The following ZNF331 variants were observed in gnomAD, a reference collection of about 807,000 sequenced individuals.
ZNF331 encodes the protein zinc finger protein 331.
Under a neutral mutation model 7.0 loss-of-function variants are expected in ZNF331, and 2 were observed. That is an observed-to-expected ratio of 0.29 (90% CI 0.12 to 0.90). The LOEUF is 0.90. ZNF331 is among the 40% of genes least tolerant of loss of function. ZNF331 has a pLI of 0.58. For missense variants in ZNF331, 432 were observed against 587.7 expected (o/e 0.74, Z 2.74); for synonymous variants, 196 against 205.4 (o/e 0.95, Z 0.39).
intron 5 of ZNF331, 49 bp from the exon 6 acceptor site, chr19:53,576,648 T>C: frequency 1.3e-6 from 2 of 1,519,460 alleles, no homozygotes; most frequent in Non-Finnish European, 1.8e-6. Flanking sequence ...TTAGGTTCGT[T>C]TGTACTTGTG....
At chr19:53,531,972 CTTTA>C (rs1203928616) in intron 2 of ZNF331, among the ~76,000 whole-genome samples, 1 of 151,992 alleles carries the variant, frequency 6.6e-6, no homozygotes, top group African/African-American at 2.4e-5. Context: ...AAATGACATC[CTTTA>C]TTTTTTATTT....
chr19:53,529,400 T>TAA (rs369822556), intron 2 of ZNF331, among the ~76,000 whole-genome samples: 47,259 of 148,538 alleles, frequency 0.32, 7,913 homozygotes, highest in African/African-American at 0.42. Flanking sequence ...ACTCTGTCTT[T>TAA]TAAAAAAAAA....
Position 53,540,181 on chromosome 19 carries a change from T to C in ZNF331, c.-138+899T>C, listed in dbSNP as rs570468014. On this transcript the variant is annotated intron_variant, in intron 2 of 5. Transcript: ENST00000449416. ...TGTGTTTTGCACACACTCCTTAATTTATTCTTACCTTAGTCTGTAACAAAG... is the reference window on the plus strand; with the variant it reads ...TGTGTTTTGCACACACTCCTTAATTCATTCTTACCTTAGTCTGTAACAAAG... Among the ~76,000 whole-genome samples the C allele has an allele frequency of 2.0e-5, 3 of 152,324 alleles. No individual in the cohort carries two copies. In the South Asian group the frequency reaches 6.2e-4, roughly 32 times the overall value.
chr19:53,507,657 A>C, the ZNF331 span, among the ~76,000 whole-genome samples: 1 of 152,176 alleles, frequency 6.6e-6, no homozygotes, highest in African/African-American at 2.4e-5. Context: ...GTTCGGGCTC[A>C]GTGCCAGCCA....
rs559801370 is a variant in ZNF331 at position 53,546,768 on chromosome 19, G to A, written c.-138+7486G>A. On this transcript the variant is annotated intron_variant, in intron 2 of 5. Transcript: ENST00000449416. ...TGAGGCCTTTAAGAGCGGAGTTTGA[G>A]CTAATTTCTGTGTCATCAAAGGCAG... is the stretch of plus-strand genomic sequence containing the variant. Among the ~76,000 whole-genome samples the A allele has an allele frequency of 3.9e-5, 6 of 152,300 alleles. No homozygotes were observed. In the East Asian group the frequency reaches 9.7e-4, roughly 25 times the overall value.
At chr19:53,533,697 G>C (rs533929736), upstream of ZNF331, among the ~76,000 whole-genome samples, 1 of 152,202 alleles carries the variant, frequency 6.6e-6, no homozygotes, top group Admixed American at 6.5e-5. Context: ...ATGTACAATT[G>C]ATACATCTTC....
At chr19:53,514,140 G>A in the ZNF331 span, among the ~76,000 whole-genome samples, 1 of 152,042 alleles carries the variant, frequency 6.6e-6, no homozygotes, top group Admixed American at 6.6e-5. Flanking sequence ...CCAGGTTATT[G>A]TGGTTTTTGC....
intron 3 of ZNF331, among the ~76,000 whole-genome samples, chr19:53,557,005 A>T (rs1333380984): frequency 8.5e-6 from 1 of 118,034 alleles, no homozygotes; most frequent in Non-Finnish European, 1.7e-5. Flanking sequence ...TTTTTGGTAG[A>T]TACAATGTTT....
chr19:53,569,903 G>T (rs1383894424), intron 4 of ZNF331, among the ~76,000 whole-genome samples: 1 of 152,066 alleles, frequency 6.6e-6, no homozygotes, highest in Non-Finnish European at 1.5e-5. Context: ...TTTTATTATT[G>T]AATGGATCTC....
intron 2 of ZNF331, among the ~76,000 whole-genome samples, chr19:53,549,293 T>C (rs926092537): frequency 6.6e-6 from 1 of 152,172 alleles, no homozygotes; most frequent in Non-Finnish European, 1.5e-5. Flanking sequence ...TTGTGTGTGT[T>C]TTCATGCCAG....
chr19:53,503,773 G>A, the ZNF331 span: 1 of 700,248 alleles, frequency 1.4e-6, no homozygotes, highest in Non-Finnish European at 2.6e-6. Context: ...CAAGCACGCT[G>A]GCTCCTGTGT....
chr19:53,523,380 G>A (rs1410155747), intron 2 of ZNF331: 3 of 151,614 alleles, frequency 2.0e-5, no homozygotes, highest in Non-Finnish European at 4.4e-5. Flanking sequence ...CACCATGCCT[G>A]GCTAATTTTT....
At position 53,573,123 on chromosome 19, in the gene ZNF331, G is replaced by A. The variant is rs190870234; in HGVS notation, c.136+1393G>A. 4.0e-3 allele frequency among the ~76,000 whole-genome samples: 615 copies of A among 152,252 alleles called. 3 individuals carry two copies. Among genetic ancestry groups the A allele is most frequent in the African/African-American group, 0.014 (583 of 41,536 alleles). ...GATCTCAGCTACTCCGGAGGCTGGT[G>A]CAGGAGAATCATTTGAACCTGGGAA... On this transcript the variant is annotated intron_variant, in intron 5 of 5. Coordinates refer to ENST00000449416, the MANE Select transcript of ZNF331 (RefSeq NM_001079906.2). The surrounding 1 kb of genome is among the most constrained non-coding windows in gnomAD (Gnocchi z 4.2).
intron 3 of ZNF331, among the ~76,000 whole-genome samples, chr19:53,568,039 G>A (rs138592490): frequency 0.036 from 5,503 of 151,698 alleles, 199 homozygotes; most frequent in South Asian, 0.15. Flanking sequence ...TCACGAGGTC[G>A]GGAGTTTGAG....
chr19:53,524,505 T>C (rs2087216652), intron 2 of ZNF331, among the ~76,000 whole-genome samples: 1 of 152,248 alleles, frequency 6.6e-6, no homozygotes, highest in African/African-American at 2.4e-5. Flanking sequence ...TGCATTTCTC[T>C]GATGACCAGT....
the ZNF331 span, among the ~76,000 whole-genome samples, chr19:53,505,930 G>T: frequency 2.0e-5 from 3 of 151,916 alleles, no homozygotes; most frequent in Non-Finnish European, 4.4e-5. Context: ...GGTCGCACTA[G>T]CCGAGATCGT....
At chr19:53,550,371 T>C (rs1418001020) in intron 2 of ZNF331, among the ~76,000 whole-genome samples, 2 of 152,178 alleles carry the variant, frequency 1.3e-5, no homozygotes, top group East Asian at 3.8e-4. Flanking sequence ...TAACCCTCCC[T>C]TGAGATTTCT....
chr19:53,536,729 G>A (rs919824928), upstream of ZNF331, among the ~76,000 whole-genome samples: 1 of 152,052 alleles, frequency 6.6e-6, no homozygotes, highest in African/African-American at 2.4e-5. Flanking sequence ...GAGAAACCCC[G>A]TCTCTTCTAA....
At chr19:53,517,089 T>C (rs37396), upstream of ZNF331, among the ~76,000 whole-genome samples, 89,736 of 151,990 alleles carry the variant, frequency 0.59, 27,842 homozygotes, top group African/African-American at 0.8. Flanking sequence ...AAGATCATCA[T>C]GGACAGTAAT....
Sources: allele counts gnomAD v4.1 joint callset (sites outside exome capture counted in the v4.1 genomes callset), GRCh38; gene constraint gnomAD v4.1.1; non-coding constraint Gnocchi (gnomAD v3.1); transcripts MANE v1.5; gene names NCBI Gene and HGNC (gene_info 2026-07-23, HGNC 2026-07-21).